Variants in ZNF266 observed in about 807,000 individuals in gnomAD.
ZNF266 encodes zinc finger protein 1.
In ZNF266, 16 loss-of-function variants were observed where a neutral mutation model predicts 16.4. The observed-to-expected ratio is 0.98, with a 90% confidence interval of 0.66 to 1.48. ZNF266 has a LOEUF of 1.48. ZNF266 is among the 40% of genes most tolerant of loss of function. The probability of loss-of-function intolerance (pLI) is 0.00; values close to 1 mark genes in which losing one functional copy is unlikely to be tolerated. For synonymous variants in ZNF266, 262 were observed against 237.9 expected, an observed-to-expected ratio of 1.10 and a Z score of -0.93; for missense variants, 738 against 689.1, an observed-to-expected ratio of 1.07 and a Z score of -0.79.
chr19:9,433,371 C>T (rs141864130), intron 5 of ZNF266, among the ~76,000 whole-genome samples: 32 of 152,068 alleles, frequency 2.1e-4, no homozygotes, highest in African/African-American at 3.6e-4. Context: ...TAAGGAGTCA[C>T]GCAGAGTGCT....
intron 5 of ZNF266, among the ~76,000 whole-genome samples, chr19:9,423,702 A>G (rs977717752): frequency 2.0e-5 from 3 of 152,118 alleles, no homozygotes; most frequent in South Asian, 2.1e-4. Context: ...TGGGTCCAAG[A>G]ATTGATGAGT....
chr19:9,433,938 A>C (rs1387478824), intron 4 of ZNF266, 137 bp downstream of exon 4: 3 of 152,210 alleles, frequency 2.0e-5, no homozygotes, highest in Non-Finnish European at 1.5e-5. Context: ...AGATCCTGCC[A>C]CTGCACTGGA....
intron 10 of ZNF266, among the ~76,000 whole-genome samples, chr19:9,415,023 A>C (rs2068766236): frequency 6.6e-6 from 1 of 152,194 alleles, no homozygotes; most frequent in South Asian, 2.1e-4. Flanking sequence ...GGCTGGGCGC[A>C]GTGGCTCACG....
rs984440560 is a variant in ZNF266 at position 9,430,089 on chromosome 19, G to C, written c.-130+3579C>G. ...CAGCCAGCCTTATCTGTACTTGCTA[G>C]TTTCACACTCCTTGAGGCTCAGTGA... On this transcript the variant is annotated intron_variant, in intron 5 of 10. Coordinates refer to ENST00000592904, the MANE Select transcript of ZNF266 (RefSeq NM_001370374.1). 1.0e-4 allele frequency among the ~76,000 whole-genome samples: 13 copies of C among 130,254 alleles called. No individual in the cohort carries two copies. The Admixed American group carries it at 1.1e-3, about 11-fold the overall frequency. The allele number at this position is 130,254 out of a possible 152,430, so 85.5% of individuals were successfully genotyped here.
rs780197076 is a variant in ZNF266, at chr19:9,413,838, G to C, written c.1288C>G (p.Gln430Glu). Residue 430 changes from glutamine to glutamate, a missense_variant, in exon 11 of 11, where the codon CAG (glutamine) becomes GAG (glutamate). Physicochemically the swap from Gln to Glu is conservative, Grantham distance 29. Transcript: ENST00000592904. ...GCATGCTTAGTAAGGTCTGAGTTCTGAGTGAAGGCTTTCCCACAATCCTTA... is the reference window on the plus strand; with the variant it reads ...GCATGCTTAGTAAGGTCTGAGTTCTCAGTGAAGGCTTTCCCACAATCCTTA... ...KCKDCGKAFTQNSDLTKHART... is the reference protein window; with the variant it reads ...KCKDCGKAFTENSDLTKHART... The C allele has an allele frequency of 6.2e-7, 1 of 1,613,906 alleles. No individual in the cohort carries two copies. Among genetic ancestry groups the C allele is most frequent in the South Asian group, 1.1e-5 (1 of 91,072 alleles).
intron 7 of ZNF266, chr19:9,419,005 TA>T (rs1162632962): frequency 6.1e-6 from 1 of 165,008 alleles, no homozygotes; most frequent in African/African-American, 2.4e-5. Context: ...GAAGACTAAT[TA>T]ATCAATATTG....
Position 9,415,748 on chromosome 19 carries a change from G to T in ZNF266, c.317-6C>A. ...TTGCACTTTCCATTCTGAAGCTGAAGAGAAAAAGAAATGTAAGGGTTTGGA... is the reference window on the plus strand; with the variant it reads ...TTGCACTTTCCATTCTGAAGCTGAATAGAAAAAGAAATGTAAGGGTTTGGA... On this transcript the variant is annotated splice_polypyrimidine_tract_variant and splice_region_variant and intron_variant, in intron 9 of 10. Coordinates refer to ENST00000592904, the MANE Select transcript of ZNF266 (RefSeq NM_001370374.1). 1 of 1,610,956 alleles carries T rather than the reference G, an allele frequency of 6.2e-7. No homozygotes were observed. Among genetic ancestry groups the T allele is most frequent in the South Asian group, 1.1e-5 (1 of 91,022 alleles).
intron 5 of ZNF266, among the ~76,000 whole-genome samples, chr19:9,427,326 G>GT (rs201091063): frequency 2.3e-3 from 346 of 150,170 alleles, no homozygotes; most frequent in African/African-American, 7.5e-3. Context: ...ATGTTTGTTT[G>GT]TTTTTTTTTC....
In ZNF266 at chr19:9,413,754, T is replaced by C. The variant is rs202209576; in HGVS notation, c.1372A>G (p.Arg458Gly). ...ECKECGKAFA[R>G]SSRLSEHTRT... ...GTATGTTCACTAAGGCGAGAGGATCTGGCAAAGGCCTTTCCACATTCCTTA... is the reference window on the plus strand; with the variant it reads ...GTATGTTCACTAAGGCGAGAGGATCCGGCAAAGGCCTTTCCACATTCCTTA... The change falls in exon 11 of 11, where the codon AGA (arginine) becomes GGA (glycine). Residue 458 changes from arginine (R) to glycine (G), a missense_variant. Coordinates refer to ENST00000592904, the MANE Select transcript of ZNF266 (RefSeq NM_001370374.1). 1 of 1,614,036 alleles carries C rather than the reference T, an allele frequency of 6.2e-7. No homozygotes were observed. Among genetic ancestry groups the C allele is most frequent in the Non-Finnish European group, 8.5e-7 (1 of 1,180,032 alleles).
At chr19:9,425,187 C>T (rs868135286) in intron 5 of ZNF266, among the ~76,000 whole-genome samples, 1 of 152,174 alleles carries the variant, frequency 6.6e-6, no homozygotes, top group African/African-American at 2.4e-5. Context: ...CAATCCACAA[C>T]CCCCAAAGGA....
chr19:9,430,754 A>T (rs943354715), intron 5 of ZNF266, among the ~76,000 whole-genome samples: 1 of 152,086 alleles, frequency 6.6e-6, no homozygotes, highest in Non-Finnish European at 1.5e-5. Context: ...ACTGGCCAAC[A>T]TCAGTCATGT....
chr19:9,417,694 G>A, intron 9 of ZNF266, 134 bp downstream of exon 9: 1 of 650,638 alleles, frequency 1.5e-6, no homozygotes, highest in Non-Finnish European at 2.6e-6. Flanking sequence ...GTTGCAGTGA[G>A]CTGAGACTGT....
intron 5 of ZNF266, among the ~76,000 whole-genome samples, chr19:9,432,234 C>A (rs572158927): frequency 1.2e-4 from 18 of 152,234 alleles, no homozygotes; most frequent in African/African-American, 3.9e-4. Context: ...GTTGGGATTA[C>A]AGGCGTGAGC....
At position 9,413,948 on chromosome 19, in the gene ZNF266, C is replaced by T. The variant is rs750086713; in HGVS notation, c.1178G>A (p.Cys393Tyr). The T allele has an allele frequency of 1.2e-6, 2 of 1,614,032 alleles. No individual in the cohort carries two copies. Among genetic ancestry groups the T allele is most frequent in the Non-Finnish European group, 8.5e-7 (1 of 1,180,038 alleles). ...TCTAAAGGATTTTCCACATATCTTA[C>T]ATTCAAAGGGATCCTTTGCAGTGTG... ...KTHTAKDPFE[C>Y]KICGKSFRNS... The change falls in exon 11 of 11, where the codon TGT (cysteine) becomes TAT (tyrosine). Residue 393 changes from cysteine to tyrosine, a missense_variant. Physicochemically the swap from Cys to Tyr is radical, Grantham distance 194. Transcript: ENST00000592904.
At chr19:9,419,181 T>A (rs919316593) in intron 7 of ZNF266, 36 bp downstream of exon 7, 2 of 154,602 alleles carry the variant, frequency 1.3e-5, no homozygotes, top group African/African-American at 4.8e-5. Flanking sequence ...GTGATGCAAG[T>A]ATGATATTTT....
chr19:9,427,106 T>C (rs1599533799), intron 5 of ZNF266, among the ~76,000 whole-genome samples: 1 of 152,108 alleles, frequency 6.6e-6, no homozygotes, highest in East Asian at 1.9e-4. Context: ...GAAGGGGTGA[T>C]TATCCCTACT....
chr19:9,433,043 C>A (rs1228634340), intron 5 of ZNF266, among the ~76,000 whole-genome samples: 5 of 152,216 alleles, frequency 3.3e-5, no homozygotes. Context: ...GGCACACACA[C>A]ACATAGTGGG....
chr19:9,418,175 G>A (rs2069348248), intron 8 of ZNF266, among the ~76,000 whole-genome samples: 1 of 152,160 alleles, frequency 6.6e-6, no homozygotes, highest in African/African-American at 2.4e-5. Flanking sequence ...TCATTCTCAT[G>A]GGAAACAACT....
chr19:9,414,134 C>A lies in ZNF266; in HGVS notation c.992G>T (p.Gly331Val). The A allele has an allele frequency of 6.2e-7, 1 of 1,613,928 alleles. No individual in the cohort carries two copies. Among genetic ancestry groups the A allele is most frequent in the Non-Finnish European group, 8.5e-7 (1 of 1,179,906 alleles). ...ATCCTTACATTTATAAGGTTTCTCT[C>A]CAGTGTGAGTTTTTCTGTGCTGAGT... is the stretch of plus-strand genomic sequence containing the variant. ...QLTQHRKTHT[G>V]EKPYKCKDCG... is the part of the protein sequence containing the mutation. Residue 331 changes from glycine to valine, a missense_variant, in exon 11 of 11, where the codon GGA becomes GTA. Transcript: ENST00000592904.
Sources: allele counts gnomAD v4.1 joint callset (sites outside exome capture counted in the v4.1 genomes callset), GRCh38; gene constraint gnomAD v4.1.1; transcripts MANE v1.5; gene names NCBI Gene and HGNC (gene_info 2026-07-23, HGNC 2026-07-21).